TMEM14A: variants seen among roughly 807,000 people sequenced by gnomAD.
TMEM14A encodes the protein transmembrane protein 14A.
Under a neutral mutation model 11.6 loss-of-function variants are expected in TMEM14A, and 8 were observed. The observed-to-expected ratio is 0.69, with a 90% CI of 0.40 to 1.24. The LOEUF (loss-of-function observed/expected upper bound fraction) is 1.24. Among genes scored for constraint, TMEM14A ranks in the 50% most tolerant of loss-of-function variants. The pLI, the probability that TMEM14A is intolerant of heterozygous loss-of-function variation, is 0.01. For missense variants in TMEM14A, 108 were observed against 121.9 expected (o/e 0.89, Z 0.54); for synonymous variants, 34 against 45.5 (o/e 0.75, Z 1.02).
At chr6:52,684,294 C>T in intron 4 of TMEM14A, 129 bp downstream of exon 4, 1 of 766,426 alleles carries the variant, frequency 1.3e-6, no homozygotes, top group Non-Finnish European at 2.1e-6. Flanking sequence ...CAGTAAAAAC[C>T]TTAAGATAGC....
intron 1 of TMEM14A, among the ~76,000 whole-genome samples, chr6:52,675,638 A>C (rs2127262102): frequency 6.6e-6 from 1 of 152,320 alleles, no homozygotes; most frequent in Non-Finnish European, 1.5e-5. Flanking sequence ...ATTTAACTTC[A>C]TGCTGGGGCT....
chr6:52,676,737 A>G (rs960673288), intron 1 of TMEM14A, among the ~76,000 whole-genome samples: 1 of 152,182 alleles, frequency 6.6e-6, no homozygotes, highest in Non-Finnish European at 1.5e-5. Context: ...AAGCCTCAGG[A>G]AACTTATAAT....
intron 2 of TMEM14A, among the ~76,000 whole-genome samples, chr6:52,678,310 AGTGT>A (rs142548113): frequency 7.1e-6 from 1 of 140,538 alleles, no homozygotes; most frequent in Non-Finnish European, 1.5e-5. Context: ...AGATATAGAG[AGTGT>A]GTGTATGTGT....
intron 4 of TMEM14A, among the ~76,000 whole-genome samples, chr6:52,685,740 A>T (rs1265279164): frequency 6.6e-6 from 1 of 152,192 alleles, no homozygotes; most frequent in African/African-American, 2.4e-5. Flanking sequence ...AGCTTCTGAA[A>T]GTTTGTTTCT....
chr6:52,677,329 C>T (rs1769276551), intron 2 of TMEM14A, among the ~76,000 whole-genome samples, 157 bp downstream of exon 2: 1 of 152,154 alleles, frequency 6.6e-6, no homozygotes, highest in Non-Finnish European at 1.5e-5. Flanking sequence ...AAGGAAGAGG[C>T]TTCCGTGGGG....
intron 2 of TMEM14A, among the ~76,000 whole-genome samples, chr6:52,678,769 G>T (rs576622250): frequency 2.6e-5 from 4 of 152,156 alleles, no homozygotes; most frequent in Admixed American, 1.3e-4. Context: ...CATGGTGCCT[G>T]GCATAGAATA....
chr6:52,677,775 T>C (rs542269553), intron 2 of TMEM14A, among the ~76,000 whole-genome samples: 130 of 152,334 alleles, frequency 8.5e-4, no homozygotes, highest in Non-Finnish European at 1.0e-3. Flanking sequence ...ACAAACTGTC[T>C]CTTACGTTTT....
chr6:52,676,831 G>T (rs868377148), intron 1 of TMEM14A, among the ~76,000 whole-genome samples: 1 of 152,068 alleles, frequency 6.6e-6, no homozygotes, highest in Non-Finnish European at 1.5e-5. Flanking sequence ...AGTGCTACAC[G>T]CTTTCAAACA....
At chr6:52,671,852 C>T (rs1177843487) in intron 1 of TMEM14A, among the ~76,000 whole-genome samples, 2 of 152,220 alleles carry the variant, frequency 1.3e-5, no homozygotes, top group Non-Finnish European at 2.9e-5. Flanking sequence ...GTGTGATGTG[C>T]TGTGCACATC....
At chr6:52,677,739 A>G (rs1258809198) in intron 2 of TMEM14A, among the ~76,000 whole-genome samples, 4 of 152,220 alleles carry the variant, frequency 2.6e-5, no homozygotes, top group Non-Finnish European at 5.9e-5. Context: ...TTTCATATAT[A>G]TACACAACCT....
At chr6:52,680,904 TTGTGTTTG>T (rs1271994572) in intron 2 of TMEM14A, among the ~76,000 whole-genome samples, 25 of 149,088 alleles carry the variant, frequency 1.7e-4, no homozygotes, top group East Asian at 2.0e-4. Context: ...GTTGTATGTG[TTGTGTTTG>T]TGTGTTTGTG....
At position 52,686,141 on chromosome 6, in the gene TMEM14A, G is replaced by T; in HGVS notation, c.*92G>T. The T allele has an allele frequency of 7.9e-7, 1 of 1,266,602 alleles. No individual in the cohort carries two copies. The highest frequency in any genetic ancestry group is 2.3e-5 in the Admixed American group (1 of 42,936). The allele number at this position is 1,266,602 out of a possible 1,614,324, so 78.5% of individuals were successfully genotyped here. A position where few individuals can be genotyped will look rare whatever the true frequency, so the allele number is the denominator to read the frequency against. On this transcript the variant is annotated 3_prime_UTR_variant, in exon 5 of 5. Coordinates refer to ENST00000211314, the MANE Select transcript of TMEM14A (RefSeq NM_014051.4). ...GTATTTAAAAGATAAACTTCAATAT[G>T]GAATGCTAGAAACACAAATAGCACT...
chr6:52,675,478 T>G (rs768977564), intron 1 of TMEM14A, among the ~76,000 whole-genome samples: 11 of 152,216 alleles, frequency 7.2e-5, no homozygotes, highest in Admixed American at 3.9e-4. Flanking sequence ...AGGGGCATGG[T>G]CTGAGGCCCA....
At chr6:52,679,407 C>G (rs938074451) in intron 2 of TMEM14A, among the ~76,000 whole-genome samples, 5 of 152,164 alleles carry the variant, frequency 3.3e-5, no homozygotes, top group Non-Finnish European at 7.4e-5. Flanking sequence ...CCTTCCTACT[C>G]CAGTTGAAGG....
chr6:52,685,039 G>C (rs2144703), intron 4 of TMEM14A, among the ~76,000 whole-genome samples: 70,137 of 151,962 alleles, frequency 0.46, 16,608 homozygotes, highest in Middle Eastern at 0.56. Flanking sequence ...AAAACAGGAT[G>C]AAAACAACCA....
intron 4 of TMEM14A, 108 bp downstream of exon 4, chr6:52,684,273 A>G (rs1291071403): frequency 6.1e-6 from 6 of 987,986 alleles, no homozygotes; most frequent in Non-Finnish European, 8.9e-6. Flanking sequence ...TTTTTGTTAT[A>G]ATAAGCATGA....
intron 1 of TMEM14A, among the ~76,000 whole-genome samples, chr6:52,675,451 A>G (rs895094077): frequency 4.6e-5 from 7 of 152,170 alleles, no homozygotes; most frequent in African/African-American, 1.7e-4. Context: ...ACTTGCAGGG[A>G]GAGTTGAGGG....
At chr6:52,679,211 G>A (rs1173741440) in intron 2 of TMEM14A, among the ~76,000 whole-genome samples, 1 of 152,166 alleles carries the variant, frequency 6.6e-6, no homozygotes, top group African/African-American at 2.4e-5. Flanking sequence ...GACACAGGAT[G>A]CTGAGCACTG....
intron 1 of TMEM14A, among the ~76,000 whole-genome samples, chr6:52,671,691 A>G (rs2281483): frequency 0.68 from 104,043 of 152,082 alleles, 37,684 homozygotes; most frequent in Non-Finnish European, 0.82. Context: ...AAATCTCTTA[A>G]TTCTCCGAAT....
Sources: allele counts gnomAD v4.1 joint callset (sites outside exome capture counted in the v4.1 genomes callset), GRCh38; gene constraint gnomAD v4.1.1; transcripts MANE v1.5; gene names NCBI Gene and HGNC (gene_info 2026-07-23, HGNC 2026-07-21).